The following LRRC7 variants were observed in gnomAD, a reference collection of about 807,000 sequenced individuals.
LRRC7 encodes leucine-rich repeat-containing protein 7.
Under a neutral mutation model 175.7 loss-of-function variants are expected in LRRC7, and 23 were observed. The observed-to-expected ratio is 0.13, with a 90% confidence interval of 0.09 to 0.19. The LOEUF is 0.19. LRRC7 is among the 10% of genes least tolerant of loss of function. The pLI is 1.00. For synonymous variants in LRRC7, 685 were observed against 680.9 expected, an observed-to-expected ratio of 1.01 and a Z score of -0.09; for missense variants, 1,354 against 1,904.7, an observed-to-expected ratio of 0.71 and a Z score of 5.38.
chr1:70,061,319 T>C (rs1447423580), intron 23 of LRRC7, among the ~76,000 whole-genome samples: 1 of 152,176 alleles, frequency 6.6e-6, no homozygotes, highest in East Asian at 1.9e-4. Context: ...AGGGATCTTT[T>C]GAGTCATTAG....
intron 11 of LRRC7, among the ~76,000 whole-genome samples, chr1:69,996,369 T>A (rs1418637122): frequency 1.3e-5 from 2 of 152,174 alleles, no homozygotes; most frequent in Non-Finnish European, 2.9e-5. Context: ...TTCACTCTGA[T>A]GGTAGTTTCT....
At chr1:69,611,780 G>A (rs1203550315) in intron 1 of LRRC7, among the ~76,000 whole-genome samples, 1 of 151,982 alleles carries the variant, frequency 6.6e-6, no homozygotes, top group Non-Finnish European at 1.5e-5. Context: ...AAAAAGCACA[G>A]GAAGCAACAA....
chr1:69,672,616 A>AC (rs1326070359), intron 1 of LRRC7, among the ~76,000 whole-genome samples: 1 of 152,050 alleles, frequency 6.6e-6, no homozygotes, highest in African/African-American at 2.4e-5. Flanking sequence ...TATATTTGAA[A>AC]CCTTTATTCT....
chr1:69,889,862 G>GGAA (rs1197088279), intron 7 of LRRC7, among the ~76,000 whole-genome samples: 12 of 151,868 alleles, frequency 7.9e-5, no homozygotes, highest in African/African-American at 2.9e-4. Context: ...AGGAGGAGGA[G>GGAA]GAAAGAAATC....
intron 8 of LRRC7, among the ~76,000 whole-genome samples, chr1:69,965,519 G>T (rs1651568554): frequency 6.6e-6 from 1 of 151,752 alleles, no homozygotes; most frequent in Non-Finnish European, 1.5e-5. Context: ...ATCATGAATT[G>T]CCATTAAGAA....
intron 2 of LRRC7, among the ~76,000 whole-genome samples, chr1:69,693,199 T>C (rs1332790327): frequency 6.6e-6 from 1 of 152,182 alleles, no homozygotes; most frequent in Non-Finnish European, 1.5e-5. Flanking sequence ...CCCCTTTCTA[T>C]ATAAATTGAT....
intron 2 of LRRC7, among the ~76,000 whole-genome samples, chr1:69,731,775 T>C (rs564430426): frequency 3.9e-5 from 6 of 152,288 alleles, no homozygotes; most frequent in African/African-American, 9.6e-5. Flanking sequence ...GGATTCTCTA[T>C]TGATGAATTT....
chr1:69,680,463 T>C (rs1660337395), intron 2 of LRRC7, among the ~76,000 whole-genome samples: 1 of 152,144 alleles, frequency 6.6e-6, no homozygotes, highest in African/African-American at 2.4e-5. Context: ...TTCTCATCAA[T>C]TGGATTGTGA....
At chr1:69,993,506 C>T (rs552249212) in intron 10 of LRRC7, among the ~76,000 whole-genome samples, 1 of 152,106 alleles carries the variant, frequency 6.6e-6, no homozygotes, top group Non-Finnish European at 1.5e-5. Flanking sequence ...TCACAAAACA[C>T]TAGTTCAACA....
At position 70,137,349 on chromosome 1, in the gene LRRC7, T is replaced by C. The variant is rs1337743617; in HGVS notation, c.*15462T>C. On this transcript the variant is annotated 3_prime_UTR_variant, in exon 27 of 27. Transcript: ENST00000651989. ...CATCTTAAGGCTTGATAACAAAGGC[T>C]TACTGTTCCACTTAAAGGGATCAAT... Among the ~76,000 whole-genome samples the C allele has an allele frequency of 2.0e-5, 3 of 152,272 alleles. No individual in the cohort carries two copies. Among genetic ancestry groups the C allele is most frequent in the Non-Finnish European group, 4.4e-5 (3 of 68,020 alleles).
intron 7 of LRRC7, among the ~76,000 whole-genome samples, chr1:69,890,008 T>C (rs1044292136): frequency 6.6e-6 from 1 of 152,234 alleles, no homozygotes; most frequent in Non-Finnish European, 1.5e-5. Context: ...CTTTCTACAC[T>C]GAAGTCTTAA....
At chr1:69,721,335 G>A (rs1051053817) in intron 2 of LRRC7, among the ~76,000 whole-genome samples, 7 of 151,758 alleles carry the variant, frequency 4.6e-5, no homozygotes, top group African/African-American at 1.7e-4. Flanking sequence ...AGTATAATAC[G>A]GAATAGTTTC....
chr1:69,613,237 C>T (rs141375913), intron 1 of LRRC7, among the ~76,000 whole-genome samples: 32 of 152,038 alleles, frequency 2.1e-4, no homozygotes, highest in Non-Finnish European at 3.5e-4. Flanking sequence ...TGCAGATGGC[C>T]GTCTTCTCAT....
intron 3 of LRRC7, among the ~76,000 whole-genome samples, chr1:69,765,238 C>T (rs1026413213): frequency 6.6e-6 from 1 of 152,208 alleles, no homozygotes; most frequent in African/African-American, 2.4e-5. Flanking sequence ...AGTTAATTGA[C>T]TTTCCTTAGG....
At chr1:70,026,956 A>T (rs569686548) in intron 17 of LRRC7, among the ~76,000 whole-genome samples, 1 of 152,262 alleles carries the variant, frequency 6.6e-6, no homozygotes, top group South Asian at 2.1e-4. Context: ...CATAGTTTTC[A>T]GATCTATATC....
chr1:69,717,821 A>AG lies in LRRC7; in HGVS notation c.100+39344dup, dbSNP rs1205293755. The stretch of plus-strand genomic sequence containing the variant: ...AAGAAAGAAAGAAAGAAAGAAAGAA[A>AG]GAAAGAAAGAAAGAAAGAAAAAAGA... On this transcript the variant is annotated intron_variant, in intron 2 of 26. Transcript: ENST00000651989. Among the ~76,000 whole-genome samples the AG allele has an allele frequency of 7.4e-4, 40 of 53,704 alleles. 3 individuals are homozygous for AG. Among genetic ancestry groups the AG allele is most frequent in the African/African-American group, 2.7e-3 (25 of 9,144 alleles). 35.2% of individuals were successfully genotyped at this position (53,704 alleles called of 152,430 possible). A position where few individuals can be genotyped will look rare whatever the true frequency, so the allele number is the denominator to read the frequency against.
At chr1:69,587,357 TGG>T (rs1157950014) in intron 1 of LRRC7, among the ~76,000 whole-genome samples, 40 of 152,192 alleles carry the variant, frequency 2.6e-4, no homozygotes, top group Non-Finnish European at 1.5e-5. Context: ...CTGATTCCAG[TGG>T]GCCCTGAGTG....
At position 70,080,798 on chromosome 1, in the gene LRRC7, A is replaced by G. The variant is rs79307853; in HGVS notation, c.4452+4500A>G. ...CGTTTAGATTACTTACAAACATAAT[A>G]GAGGGTAAAAGTCAGAGTTGTATTA... is the stretch of plus-strand genomic sequence containing the variant. On this transcript the variant is annotated intron_variant, in intron 24 of 26. Coordinates refer to ENST00000651989, the MANE Select transcript of LRRC7 (RefSeq NM_001370785.2). Among the ~76,000 whole-genome samples, 724 of 152,328 alleles carry G rather than the reference A, an allele frequency of 4.8e-3. 5 individuals are homozygous for G. The highest frequency in any genetic ancestry group is 0.016 in the African/African-American group (682 of 41,582).
chr1:69,649,105 A>G (rs1655411385), intron 1 of LRRC7, among the ~76,000 whole-genome samples: 1 of 152,236 alleles, frequency 6.6e-6, no homozygotes, highest in Non-Finnish European at 1.5e-5. Context: ...GAATGTGAAC[A>G]TACAGATATT....
Sources: gnomAD v4.1 joint callset for allele counts (sites outside exome capture counted in the v4.1 genomes callset) on GRCh38, gnomAD v4.1.1 for gene constraint, MANE v1.5 for transcripts, NCBI Gene and HGNC (gene_info 2026-07-23, HGNC 2026-07-21) for gene names.